SNTB1: variants seen among roughly 807,000 people sequenced by gnomAD.
SNTB1 encodes syntrophin beta 1, also known as beta-1-syntrophin.
A neutral mutation model predicts 48.9 loss-of-function variants in SNTB1; 36 were observed. The ratio of observed to expected loss-of-function variants is 0.74; its 90% CI spans 0.56 to 0.97. SNTB1 has a LOEUF of 0.97. SNTB1 is among the 50% of genes least tolerant of loss of function. The pLI is 0.00. For synonymous variants in SNTB1, 299 were observed against 294.6 expected (o/e 1.01, Z -0.15); for missense variants, 786 against 703.4 (o/e 1.12, Z -1.33).
At position 120,564,556 on chromosome 8, in the gene SNTB1, T is replaced by C. The variant is rs539616926; in HGVS notation, c.1136+10530A>G. Among the ~76,000 whole-genome samples the C allele has an allele frequency of 2.3e-5, 3 of 127,706 alleles. No homozygotes were observed. The South Asian group carries it at 7.9e-4, about 34-fold the overall frequency. The allele number at this position is 127,706 out of a possible 152,430, so 83.8% of individuals were successfully genotyped here. ...CATAACTGCCCTGCAATAGATACTATTATTCTGGTTTTTTTTTTTTTTTTT... is the reference window on the plus strand; with the variant it reads ...CATAACTGCCCTGCAATAGATACTACTATTCTGGTTTTTTTTTTTTTTTTT... On this transcript the variant is annotated intron_variant, in intron 4 of 6. Transcript: ENST00000517992.
chr8:120,570,319 T>C (rs979581260), intron 4 of SNTB1: 3 of 152,338 alleles, frequency 2.0e-5, no homozygotes, highest in Middle Eastern at 3.4e-3. Context: ...TCCTTGGACA[T>C]TTGTTATTTG....
rs536697175 is a variant in SNTB1, at chr8:120,725,436, T to C, written c.572-31528A>G. On this transcript the variant is annotated intron_variant, in intron 1 of 6. Transcript: ENST00000517992. ...CTAGGTCCTTGTCTCAAATAGACTCTGCTTTTAGGGGAACCCAAACTTTGA... is the reference window on the plus strand; with the variant it reads ...CTAGGTCCTTGTCTCAAATAGACTCCGCTTTTAGGGGAACCCAAACTTTGA... 6.6e-5 allele frequency among the ~76,000 whole-genome samples: 10 copies of C among 152,350 alleles called. No homozygotes were observed. In the South Asian group the frequency reaches 2.1e-3, roughly 32 times the overall value.
intron 1 of SNTB1, among the ~76,000 whole-genome samples, chr8:120,709,708 C>T (rs938970188): frequency 2.0e-5 from 3 of 152,162 alleles, no homozygotes; most frequent in Non-Finnish European, 4.4e-5. Context: ...AGCTTTTCCT[C>T]TTTCCCACTG....
At chr8:120,617,092 T>G (rs1461988941) in intron 3 of SNTB1, among the ~76,000 whole-genome samples, 1 of 152,262 alleles carries the variant, frequency 6.6e-6, no homozygotes, top group Non-Finnish European at 1.5e-5. Context: ...GAAAACATTA[T>G]GAGTTTTTTT....
At chr8:120,795,426 G>A (rs1396749807) in intron 1 of SNTB1, among the ~76,000 whole-genome samples, 1 of 151,960 alleles carries the variant, frequency 6.6e-6, no homozygotes, top group South Asian at 2.1e-4. Flanking sequence ...CCATTGCCCA[G>A]CTCTCTCTGT....
intron 1 of SNTB1, among the ~76,000 whole-genome samples, chr8:120,754,002 T>C (rs1443275552): frequency 6.6e-6 from 1 of 152,206 alleles, no homozygotes. Flanking sequence ...GGGAGTATGA[T>C]GCCTACTTAC....
intron 3 of SNTB1, among the ~76,000 whole-genome samples, chr8:120,602,445 TCCAATCAGTTGAAGA>T: frequency 6.6e-6 from 1 of 152,076 alleles, no homozygotes; most frequent in African/African-American, 2.4e-5. Context: ...GTGGGCCTTG[TCCAATCAGTTGAAGA>T]CCTGAAAAGA....
intron 1 of SNTB1, among the ~76,000 whole-genome samples, chr8:120,745,716 T>A (rs1259759874): frequency 6.6e-6 from 1 of 152,122 alleles, no homozygotes; most frequent in African/African-American, 2.4e-5. Context: ...TCAGCTGAAT[T>A]TCTTCAGCCA....
At chr8:120,630,663 C>T (rs1816964280) in intron 3 of SNTB1, among the ~76,000 whole-genome samples, 1 of 152,142 alleles carries the variant, frequency 6.6e-6, no homozygotes, top group Middle Eastern at 3.2e-3. Context: ...GCTTTTGCTT[C>T]CCTGGTATCC....
intron 2 of SNTB1, among the ~76,000 whole-genome samples, chr8:120,650,872 G>A (rs1817401219): frequency 6.6e-6 from 1 of 152,128 alleles, no homozygotes; most frequent in Admixed American, 6.5e-5. Context: ...ATGCACACTG[G>A]CTTTATGACT....
At chr8:120,657,922 T>C (rs1305389693) in intron 2 of SNTB1, among the ~76,000 whole-genome samples, 4 of 152,230 alleles carry the variant, frequency 2.6e-5, no homozygotes, top group African/African-American at 4.8e-5. Context: ...AAATTCCTAA[T>C]GTGAGAGAAT....
At chr8:120,678,434 C>G (rs11780239) in intron 2 of SNTB1, among the ~76,000 whole-genome samples, 1 of 152,186 alleles carries the variant, frequency 6.6e-6, no homozygotes, top group African/African-American at 2.4e-5. Flanking sequence ...TATTTCAGAG[C>G]TAAGCTGCCC....
At chr8:120,667,261 C>T (rs1321920878) in intron 2 of SNTB1, among the ~76,000 whole-genome samples, 1 of 152,170 alleles carries the variant, frequency 6.6e-6, no homozygotes, top group South Asian at 2.1e-4. Context: ...GCTGGTACTA[C>T]AGCTGGCTCT....
At chr8:120,567,657 G>A (rs554894892) in intron 4 of SNTB1, among the ~76,000 whole-genome samples, 54 of 152,100 alleles carry the variant, frequency 3.6e-4, no homozygotes, top group African/African-American at 1.2e-3. Flanking sequence ...CTGGGCTCAA[G>A]CAATCCTCCC....
chr8:120,586,424 T>G (rs1816140939), intron 3 of SNTB1, among the ~76,000 whole-genome samples: 1 of 152,176 alleles, frequency 6.6e-6, no homozygotes, highest in Admixed American at 6.5e-5. Flanking sequence ...GGGAGAACCC[T>G]CTTCCTTGCC....
intron 1 of SNTB1, among the ~76,000 whole-genome samples, chr8:120,759,149 A>C (rs1165240624): frequency 6.6e-6 from 1 of 152,202 alleles, no homozygotes; most frequent in Non-Finnish European, 1.5e-5. Context: ...AAGAATTTCC[A>C]TCCAGGCCAG....
intron 1 of SNTB1, among the ~76,000 whole-genome samples, chr8:120,714,268 G>A (rs55886182): frequency 2.0e-5 from 3 of 151,902 alleles, no homozygotes; most frequent in Admixed American, 6.6e-5. Flanking sequence ...ATTTAAGAAA[G>A]CAGTGCGTGC....
At chr8:120,726,744 G>C (rs894013801) in intron 1 of SNTB1, among the ~76,000 whole-genome samples, 3 of 152,192 alleles carry the variant, frequency 2.0e-5, no homozygotes, top group Admixed American at 2.0e-4. Context: ...AGTGCATGTA[G>C]CTGGTTGTAA....
chr8:120,546,524 G>A (rs190310541), intron 5 of SNTB1, among the ~76,000 whole-genome samples: 107 of 152,190 alleles, frequency 7.0e-4, no homozygotes, highest in African/African-American at 2.4e-3. Context: ...CACTCAGTCT[G>A]GAGTGCAGTG....
Sources: gnomAD v4.1 joint callset for allele counts (sites outside exome capture counted in the v4.1 genomes callset) on GRCh38, gnomAD v4.1.1 for gene constraint, MANE v1.5 for transcripts, NCBI Gene and HGNC (gene_info 2026-07-23, HGNC 2026-07-21) for gene names.